Variants in MAML3 observed in about 807,000 individuals in gnomAD.
MAML3 encodes the protein mastermind-like protein 3.
Under a neutral mutation model 101.9 loss-of-function variants are expected in MAML3, and 27 were observed. That is an observed-to-expected ratio of 0.27 (90% CI 0.20 to 0.37). The LOEUF (loss-of-function observed/expected upper bound fraction) is 0.37. MAML3 is among the 10% of genes least tolerant of loss of function. MAML3 has a pLI of 1.00. For synonymous variants in MAML3, 501 were observed against 555.9 expected, an observed-to-expected ratio of 0.90 and a Z score of 1.39; for missense variants, 1,316 against 1,444.9, an observed-to-expected ratio of 0.91 and a Z score of 1.45.
intron 2 of MAML3, among the ~76,000 whole-genome samples, chr4:139,784,863 G>A (rs562214796): frequency 1.3e-5 from 2 of 152,260 alleles, no homozygotes; most frequent in African/African-American, 4.8e-5. Context: ...GGCTAGCTTG[G>A]TTCTCACAAG....
At chr4:139,949,379 T>C (rs1246150226) in intron 1 of MAML3, among the ~76,000 whole-genome samples, 1 of 152,116 alleles carries the variant, frequency 6.6e-6, no homozygotes, top group Non-Finnish European at 1.5e-5. Flanking sequence ...GGAATTGAAC[T>C]CCCACTCTTT....
intron 1 of MAML3, among the ~76,000 whole-genome samples, chr4:139,959,132 A>T (rs1258031128): frequency 2.6e-5 from 4 of 152,174 alleles, no homozygotes; most frequent in Non-Finnish European, 5.9e-5. Flanking sequence ...AGTTTAACTG[A>T]TATGTCTTTT....
chr4:139,897,560 A>G (rs1177501290), intron 1 of MAML3, among the ~76,000 whole-genome samples: 1 of 152,126 alleles, frequency 6.6e-6, no homozygotes, highest in Non-Finnish European at 1.5e-5. Context: ...CCATTCTATG[A>G]ATTTTAGTCT....
At chr4:139,790,651 T>G (rs1304233568) in intron 2 of MAML3, among the ~76,000 whole-genome samples, 1 of 152,196 alleles carries the variant, frequency 6.6e-6, no homozygotes, top group Non-Finnish European at 1.5e-5. Flanking sequence ...ATTTGTTTTT[T>G]TGTGTGTGTC....
intron 1 of MAML3, among the ~76,000 whole-genome samples, chr4:140,103,557 C>T (rs1424470110): frequency 6.6e-6 from 1 of 152,144 alleles, no homozygotes; most frequent in South Asian, 2.1e-4. Context: ...ATTAGAAAGC[C>T]TTTCATCTAA....
Position 140,130,185 on chromosome 4 carries a change from A to G in MAML3, c.468+22675T>C, listed in dbSNP as rs1251986338. 2.6e-5 allele frequency among the ~76,000 whole-genome samples: 4 copies of G among 152,298 alleles called. No individual in the cohort carries two copies. In the East Asian group the frequency reaches 7.7e-4, roughly 29 times the overall value. On this transcript the variant is annotated intron_variant, in intron 1 of 4. Transcript: ENST00000509479. ...ACTCTTTTTGTTTTTCAATTGTGGC[A>G]TGGGGCAAGCAGTTTATCCGTGCAT...
At chr4:140,149,449 TTTG>T (rs1308042969) in intron 1 of MAML3, among the ~76,000 whole-genome samples, 1 of 152,246 alleles carries the variant, frequency 6.6e-6, no homozygotes, top group Non-Finnish European at 1.5e-5. Flanking sequence ...TTGCTATTTT[TTTG>T]TTGTTGTTTT....
At chr4:139,958,640 A>G (rs1224418092) in intron 1 of MAML3, among the ~76,000 whole-genome samples, 1 of 152,172 alleles carries the variant, frequency 6.6e-6, no homozygotes, top group Non-Finnish European at 1.5e-5. Flanking sequence ...GGGGCATGTC[A>G]AGAGAGTCAC....
intron 1 of MAML3, among the ~76,000 whole-genome samples, chr4:139,897,845 T>C (rs564435825): frequency 3.9e-5 from 6 of 152,274 alleles, no homozygotes; most frequent in African/African-American, 1.4e-4. Context: ...GCTTAGCCAT[T>C]ACCTCTCATC....
At chr4:139,826,809 T>C (rs1284403912) in intron 2 of MAML3, among the ~76,000 whole-genome samples, 2 of 152,122 alleles carry the variant, frequency 1.3e-5, no homozygotes, top group African/African-American at 2.4e-5. Flanking sequence ...ACTCGACCCT[T>C]GCAGACACAT....
At chr4:140,004,089 C>T (rs998614543) in intron 1 of MAML3, among the ~76,000 whole-genome samples, 3 of 152,178 alleles carry the variant, frequency 2.0e-5, no homozygotes, top group African/African-American at 4.8e-5. Context: ...TTACTTTGCA[C>T]GAGACAGAAT....
At chr4:140,026,302 T>A (rs557803433) in intron 1 of MAML3, among the ~76,000 whole-genome samples, 1 of 152,290 alleles carries the variant, frequency 6.6e-6, no homozygotes, top group African/African-American at 2.4e-5. Flanking sequence ...TGGCCCAGGC[T>A]GGAGTGCAGT....
In MAML3 at chr4:139,796,529, C is replaced by T. The variant is rs923800794; in HGVS notation, c.2080-65862G>A. Among the ~76,000 whole-genome samples the T allele has an allele frequency of 4.6e-5, 7 of 152,150 alleles. No individual in the cohort carries two copies. The South Asian group carries it at 1.0e-3, about 23-fold the overall frequency. ...TTTAAATGTCCTCCAGGCTAGAGTA[C>T]CCTATCAGAGATTTCCATGGGTGTG... is the stretch of plus-strand genomic sequence containing the variant. On this transcript the variant is annotated intron_variant, in intron 2 of 4. Coordinates refer to ENST00000509479, the MANE Select transcript of MAML3 (RefSeq NM_018717.5).
At chr4:139,810,103 T>A (rs1578612006) in intron 2 of MAML3, among the ~76,000 whole-genome samples, 1 of 143,688 alleles carries the variant, frequency 7.0e-6, no homozygotes, top group Non-Finnish European at 1.5e-5. Flanking sequence ...GAAAAATACA[T>A]TTTTTTTGAC....
chr4:140,039,131 A>G (rs1357605441), intron 1 of MAML3, among the ~76,000 whole-genome samples: 3 of 152,054 alleles, frequency 2.0e-5, no homozygotes, highest in Non-Finnish European at 2.9e-5. Flanking sequence ...TAAAAAAAAG[A>G]AAAAAAAGAA....
chr4:139,917,056 T>C (rs1038805778), intron 1 of MAML3, among the ~76,000 whole-genome samples: 3 of 152,190 alleles, frequency 2.0e-5, no homozygotes, highest in Non-Finnish European at 2.9e-5. Flanking sequence ...GCTAGAAAAC[T>C]GTATGCAGAA....
At chr4:139,921,931 G>C (rs1003783624) in intron 1 of MAML3, among the ~76,000 whole-genome samples, 1 of 152,216 alleles carries the variant, frequency 6.6e-6, no homozygotes, top group African/African-American at 2.4e-5. Context: ...TCAGTGTGGG[G>C]AGGCAATTAC....
chr4:139,948,859 G>A (rs1360268379), intron 1 of MAML3, among the ~76,000 whole-genome samples: 1 of 152,122 alleles, frequency 6.6e-6, no homozygotes, highest in Non-Finnish European at 1.5e-5. Flanking sequence ...TGAGAAAACC[G>A]AGGCACAGGT....
chr4:139,957,885 C>T (rs1733942393), intron 1 of MAML3, among the ~76,000 whole-genome samples: 1 of 152,140 alleles, frequency 6.6e-6, no homozygotes, highest in South Asian at 2.1e-4. Context: ...GACACAGGAG[C>T]AAAAGAAGCT....
Sources: allele counts gnomAD v4.1 joint callset (sites outside exome capture counted in the v4.1 genomes callset), GRCh38; gene constraint gnomAD v4.1.1; transcripts MANE v1.5; gene names NCBI Gene and HGNC (gene_info 2026-07-23, HGNC 2026-07-21).